The following FGD4 variants were observed in gnomAD, a reference collection of about 807,000 sequenced individuals.
FGD4 encodes the protein FYVE, RhoGEF and PH domain containing 4, also known as FYVE, RhoGEF and PH domain-containing protein 4.
In FGD4, 42 loss-of-function variants were observed where a neutral mutation model predicts 102.0. The observed-to-expected ratio is 0.41, with a 90% CI of 0.32 to 0.53. The LOEUF is 0.53. FGD4 is among the 20% of genes least tolerant of loss of function. The pLI is 0.21. For missense variants in FGD4, 902 were observed against 1,078.2 expected (o/e 0.84, Z 2.29); for synonymous variants, 380 against 375.7 (o/e 1.01, Z -0.13).
At chr12:32,453,199 A>ATTTTATATATATATT (rs1273299981) in intron 1 of FGD4, among the ~76,000 whole-genome samples, 12 of 61,154 alleles carry the variant, frequency 2.0e-4, no homozygotes, top group African/African-American at 4.6e-4. Flanking sequence ...TTATATATAT[A>ATTTTATATATATATT]TTATATATAT....
At chr12:32,550,717 C>A (rs1943596516) in intron 1 of FGD4, among the ~76,000 whole-genome samples, 2 of 147,294 alleles carry the variant, frequency 1.4e-5, no homozygotes, top group South Asian at 2.2e-4. Flanking sequence ...TTCATTAGCA[C>A]TTAAACATGC....
intron 8 of FGD4, among the ~76,000 whole-genome samples, chr12:32,610,034 G>A (rs956850277): frequency 6.6e-6 from 1 of 152,084 alleles, no homozygotes; most frequent in Non-Finnish European, 1.5e-5. Flanking sequence ...CCTTTCACCC[G>A]ACCCAGGCTA....
chr12:32,434,231 C>G (rs1942153596), intron 1 of FGD4, among the ~76,000 whole-genome samples: 1 of 152,208 alleles, frequency 6.6e-6, no homozygotes, highest in South Asian at 2.1e-4. Flanking sequence ...CAGACCCTGT[C>G]TGTTCCTAGC....
At chr12:32,625,195 C>G in intron 13 of FGD4, 127 bp downstream of exon 13, 1 of 705,266 alleles carries the variant, frequency 1.4e-6, no homozygotes, top group Non-Finnish European at 2.5e-6. Flanking sequence ...TAGACAGAAT[C>G]TCATTCTTTC....
intron 1 of FGD4, among the ~76,000 whole-genome samples, chr12:32,563,320 A>G (rs925165918): frequency 2.7e-5 from 4 of 148,794 alleles, no homozygotes; most frequent in African/African-American, 1.0e-4. Flanking sequence ...CACCTCCCAG[A>G]CGGGGTCGCG....
At chr12:32,474,083 G>T (rs138113918) in intron 1 of FGD4, among the ~76,000 whole-genome samples, 1,585 of 148,582 alleles carry the variant, frequency 0.011, 36 homozygotes, top group African/African-American at 0.037. Context: ...GCGAGACTCT[G>T]TCTCAAAAAA....
intron 4 of FGD4, among the ~76,000 whole-genome samples, chr12:32,588,019 A>ATCTATT (rs1188198843): frequency 6.6e-6 from 1 of 152,194 alleles, no homozygotes; most frequent in African/African-American, 2.4e-5. Flanking sequence ...CAAACAATAG[A>ATCTATT]AAAGGATGTT....
intron 1 of FGD4, among the ~76,000 whole-genome samples, chr12:32,434,117 G>C (rs1255527671): frequency 6.6e-6 from 1 of 152,166 alleles, no homozygotes; most frequent in East Asian, 1.9e-4. Context: ...GCCTCCCAAA[G>C]TGCTGGGATT....
At chr12:32,553,099 A>G (rs1047238246) in intron 1 of FGD4, among the ~76,000 whole-genome samples, 1 of 151,978 alleles carries the variant, frequency 6.6e-6, no homozygotes, top group Admixed American at 6.6e-5. Flanking sequence ...TGGCCGGAGT[A>G]TGCACTTTTA....
At chr12:32,473,508 A>G (rs1943492142) in intron 1 of FGD4, among the ~76,000 whole-genome samples, 1 of 151,988 alleles carries the variant, frequency 6.6e-6, no homozygotes, top group Non-Finnish European at 1.5e-5. Flanking sequence ...CCACGAACCC[A>G]CCAGAAGGAA....
chr12:32,513,290 T>C (rs1939571846), intron 1 of FGD4, among the ~76,000 whole-genome samples: 1 of 152,242 alleles, frequency 6.6e-6, no homozygotes, highest in African/African-American at 2.4e-5. Context: ...ATAATCATAG[T>C]TGTTTAGAAT....
rs1565932786 is a variant in FGD4, at chr12:32,633,671, AAG to A, written c.2297_2298del (p.Arg766LysfsTer7). ...SGFTDSEEKK[R>X]KGILEIESAE... is the part of the protein sequence containing the mutation. ...GATTCACAGACAGTGAAGAAAAGAA[AAG>A]AAAAGGAATTTTAGAGGTAAGAAAT... On this transcript the variant is annotated frameshift_variant, in exon 15 of 17. Coordinates refer to ENST00000534526, the MANE Select transcript of FGD4 (RefSeq NM_001370298.3). LOFTEE classifies it high-confidence loss of function. 1 of 1,602,542 alleles carries A rather than the reference AAG, an allele frequency of 6.2e-7. No individual in the cohort carries two copies. The highest frequency in any genetic ancestry group is 1.7e-5 in the Admixed American group (1 of 59,982).
chr12:32,440,438 G>A (rs991421304), intron 1 of FGD4, among the ~76,000 whole-genome samples: 5 of 152,146 alleles, frequency 3.3e-5, no homozygotes, highest in African/African-American at 1.2e-4. Flanking sequence ...GACAAGATTC[G>A]GCAAAATTAT....
intron 1 of FGD4, among the ~76,000 whole-genome samples, chr12:32,514,667 A>T (rs536006202): frequency 4.0e-5 from 6 of 151,808 alleles, no homozygotes; most frequent in Non-Finnish European, 8.8e-5. Flanking sequence ...GTACACCATC[A>T]TGCCTAGCTA....
intron 1 of FGD4, among the ~76,000 whole-genome samples, chr12:32,408,966 G>T (rs1941077871): frequency 6.6e-6 from 1 of 152,084 alleles, no homozygotes; most frequent in Non-Finnish European, 1.5e-5. Context: ...TCAGCAGAGG[G>T]TATCTATACC....
At chr12:32,464,527 A>T (rs1329908796) in intron 1 of FGD4, among the ~76,000 whole-genome samples, 2 of 152,182 alleles carry the variant, frequency 1.3e-5, no homozygotes, top group Non-Finnish European at 2.9e-5. Flanking sequence ...GAAAAAGGAC[A>T]AATGCACATA....
intron 1 of FGD4, among the ~76,000 whole-genome samples, chr12:32,467,475 C>G (rs751335687): frequency 7.2e-5 from 11 of 152,050 alleles, no homozygotes; most frequent in Non-Finnish European, 1.2e-4. Context: ...ATAAATAAAA[C>G]GTAATTAAAG....
intron 2 of FGD4, among the ~76,000 whole-genome samples, chr12:32,567,413 C>T (rs534824495): frequency 5.9e-5 from 9 of 152,038 alleles, no homozygotes; most frequent in Non-Finnish European, 1.0e-4. Flanking sequence ...ACTTGCATAT[C>T]CTCCCCCGAC....
At chr12:32,483,692 A>G (rs1183617203) in intron 1 of FGD4, among the ~76,000 whole-genome samples, 1 of 152,154 alleles carries the variant, frequency 6.6e-6, no homozygotes, top group Non-Finnish European at 1.5e-5. Flanking sequence ...AGAGGGAACC[A>G]AAAATGCTGA....
Sources: allele counts gnomAD v4.1 joint callset (sites outside exome capture counted in the v4.1 genomes callset), GRCh38; gene constraint gnomAD v4.1.1; transcripts MANE v1.5; gene names NCBI Gene and HGNC (gene_info 2026-07-23, HGNC 2026-07-21).